Variants in ANKDD1B observed in about 807,000 individuals in gnomAD.
ANKDD1B encodes ankyrin repeat and death domain-containing protein 1B.
A neutral mutation model predicts 59.7 loss-of-function variants in ANKDD1B; 57 were observed. The ratio of observed to expected loss-of-function variants is 0.95; its 90% CI spans 0.77 to 1.19. The LOEUF is 1.19. Among genes scored for constraint, ANKDD1B ranks in the 50% most tolerant of loss-of-function variants. The probability of loss-of-function intolerance (pLI) is 0.00; values close to 1 mark genes in which losing one functional copy is unlikely to be tolerated. For synonymous variants in ANKDD1B, 216 were observed against 239.5 expected (o/e 0.90, Z 0.91); for missense variants, 602 against 641.9 (o/e 0.94, Z 0.67).
At chr5:75,647,724 CCA>C (rs1483460285) in intron 7 of ANKDD1B, among the ~76,000 whole-genome samples, 1 of 127,574 alleles carries the variant, frequency 7.8e-6, no homozygotes, top group African/African-American at 3.9e-5. Context: ...ACTAGAAATA[CCA>C]TTTGACCCAG....
At chr5:75,615,668 C>CTGTGTGTGTG (rs113185824) in intron 1 of ANKDD1B, among the ~76,000 whole-genome samples, 34 of 144,332 alleles carry the variant, frequency 2.4e-4, no homozygotes, top group African/African-American at 7.6e-4. Context: ...CTGGTCTTCC[C>CTGTGTGTGTG]TGTGTGTGTG....
intron 7 of ANKDD1B, among the ~76,000 whole-genome samples, chr5:75,639,847 T>G (rs978262887): frequency 8.5e-5 from 13 of 152,200 alleles, no homozygotes; most frequent in African/African-American, 2.7e-4. Flanking sequence ...TGAATTAAAC[T>G]CTTACTTTGT....
intron 9 of ANKDD1B, among the ~76,000 whole-genome samples, chr5:75,657,294 A>T (rs897210017): frequency 2.0e-5 from 3 of 152,034 alleles, no homozygotes; most frequent in Non-Finnish European, 2.9e-5. Context: ...TTTTTTTATT[A>T]GACCAAGAAT....
chr5:75,648,432 G>C (rs1359584732), intron 7 of ANKDD1B, among the ~76,000 whole-genome samples: 1 of 151,876 alleles, frequency 6.6e-6, no homozygotes, highest in African/African-American at 2.4e-5. Context: ...ACTCTGTCAG[G>C]CTTACTCCAT....
intron 13 of ANKDD1B, 88 bp from the exon 14 acceptor site, chr5:75,670,891 T>C: frequency 2.3e-6 from 1 of 441,648 alleles, no homozygotes. Context: ...AAAGGGCTGT[T>C]GTGGGATTTA....
chr5:75,634,803 TC>T, intron 5 of ANKDD1B, 94 bp from the exon 6 acceptor site: 2 of 751,660 alleles, frequency 2.7e-6, no homozygotes, highest in Non-Finnish European at 4.4e-6. Flanking sequence ...CATCTTGGAC[TC>T]CCCATCATCC....
At chr5:75,622,134 C>A (rs1430756132) in intron 3 of ANKDD1B, among the ~76,000 whole-genome samples, 1 of 152,186 alleles carries the variant, frequency 6.6e-6, no homozygotes, top group Admixed American at 6.5e-5. Flanking sequence ...TGCAAAGAGC[C>A]AACAGTTGAT....
intron 5 of ANKDD1B, among the ~76,000 whole-genome samples, chr5:75,632,254 G>C (rs891193198): frequency 3.3e-5 from 5 of 152,120 alleles, no homozygotes; most frequent in Admixed American, 3.3e-4. Flanking sequence ...CTAAGGAAAG[G>C]AATTTATTGG....
intron 12 of ANKDD1B, 70 bp downstream of exon 12, chr5:75,667,063 G>A: frequency 9.6e-7 from 1 of 1,037,552 alleles, no homozygotes; most frequent in Non-Finnish European, 1.3e-6. Context: ...CCTGGTGTGA[G>A]GTCTTCCAAG....
At chr5:75,623,952 G>A (rs1773922883) in intron 3 of ANKDD1B, among the ~76,000 whole-genome samples, 1 of 152,120 alleles carries the variant, frequency 6.6e-6, no homozygotes, top group Non-Finnish European at 1.5e-5. Flanking sequence ...GCAACTTGGG[G>A]GCAGCCAAAA....
At chr5:75,664,579 T>C (rs1775259261) in intron 11 of ANKDD1B, among the ~76,000 whole-genome samples, 2 of 152,220 alleles carry the variant, frequency 1.3e-5, no homozygotes, top group South Asian at 4.1e-4. Flanking sequence ...AAGACAACTT[T>C]GCCAAGTTCC....
chr5:75,637,233 T>C (rs1269495574), intron 7 of ANKDD1B, among the ~76,000 whole-genome samples: 1 of 76,614 alleles, frequency 1.3e-5, no homozygotes, highest in Non-Finnish European at 2.3e-5. Context: ...CGACAGAGAC[T>C]CTGTCTCAAA....
chr5:75,651,057 G>A (rs1774816213), intron 7 of ANKDD1B, among the ~76,000 whole-genome samples: 2 of 152,190 alleles, frequency 1.3e-5, no homozygotes, highest in Non-Finnish European at 2.9e-5. Flanking sequence ...ATTACAAAAG[G>A]CAGAGAGCAG....
chr5:75,648,867 G>C (rs1774737325), intron 7 of ANKDD1B, among the ~76,000 whole-genome samples: 1 of 152,218 alleles, frequency 6.6e-6, no homozygotes, highest in African/African-American at 2.4e-5. Flanking sequence ...CACTTCACCT[G>C]CTGACACTGA....
intron 11 of ANKDD1B, 93 bp downstream of exon 11, chr5:75,663,582 C>CAT: frequency 9.8e-7 from 1 of 1,015,682 alleles, no homozygotes; most frequent in Non-Finnish European, 1.5e-6. Flanking sequence ...ATTCTTTGCT[C>CAT]TAATGAGCAG....
chr5:75,626,054 G>C, intron 5 of ANKDD1B, 99 bp downstream of exon 5: 1 of 858,326 alleles, frequency 1.2e-6, no homozygotes, highest in Admixed American at 2.2e-5. Context: ...AGCACAGACA[G>C]ACCCGGCCCT....
Position 75,611,607 on chromosome 5 carries a change from C to T in ANKDD1B, c.-28C>T. 8.1e-7 allele frequency: 1 copy of T among 1,230,378 alleles called. No individual in the cohort carries two copies. The highest frequency in any genetic ancestry group is 4.1e-5 in the South Asian group (1 of 24,210). The allele number at this position is 1,230,378 out of a possible 1,614,324, so 76.2% of individuals were successfully genotyped here. A position where few individuals can be genotyped will look rare whatever the true frequency, so the allele number is the denominator to read the frequency against. On this transcript the variant is annotated 5_prime_UTR_variant, in exon 1 of 14. Coordinates refer to ENST00000601380, the MANE Select transcript of ANKDD1B (RefSeq NM_001276713.2). ...ATCTGGGTCCGAGTCTGGGTCTGGC[C>T]CTGCGCTCAGGGCCCGCGGAGGAGA...
intron 7 of ANKDD1B, among the ~76,000 whole-genome samples, chr5:75,649,222 G>C (rs1774753990): frequency 6.7e-6 from 1 of 148,658 alleles, no homozygotes; most frequent in Non-Finnish European, 1.5e-5. Context: ...GCTCTAAAAG[G>C]CTTTTTTGTT....
intron 7 of ANKDD1B, among the ~76,000 whole-genome samples, chr5:75,652,811 T>C (rs772720226): frequency 4.6e-5 from 7 of 152,198 alleles, no homozygotes; most frequent in Non-Finnish European, 8.8e-5. Flanking sequence ...CCTGATTTCA[T>C]TGTGTGAACA....
Sources: gnomAD v4.1 joint callset for allele counts (sites outside exome capture counted in the v4.1 genomes callset) on GRCh38, gnomAD v4.1.1 for gene constraint, MANE v1.5 for transcripts, NCBI Gene and HGNC (gene_info 2026-07-23, HGNC 2026-07-21) for gene names.